The following SHANK2 variants were observed in gnomAD, a reference collection of about 807,000 sequenced individuals.
The protein encoded by SHANK2 is SH3 and multiple ankyrin repeat domains 2.
SHANK2 carries 43 observed loss-of-function variants against 133.7 expected under a neutral mutation model. The ratio of observed to expected loss-of-function variants is 0.32; its 90% CI spans 0.25 to 0.41. The LOEUF (loss-of-function observed/expected upper bound fraction) is 0.41, where lower values mean the gene tolerates loss of function less well. Ranked by LOEUF, SHANK2 falls within the 10% of genes least tolerant of loss-of-function variation. SHANK2 has a pLI of 1.00. For synonymous variants in SHANK2, 1,017 were observed against 952.8 expected (o/e 1.07, Z -1.24); for missense variants, 1,994 against 2,235.8 (o/e 0.89, Z 2.18).
intron 11 of SHANK2, among the ~76,000 whole-genome samples, chr11:70,841,851 G>A (rs1555061801): frequency 6.6e-6 from 1 of 152,162 alleles, no homozygotes; most frequent in Non-Finnish European, 1.5e-5. Flanking sequence ...GACTGTGCGT[G>A]TCTGCTCGTC....
At chr11:70,902,908 C>T (rs1388520221) in intron 10 of SHANK2, among the ~76,000 whole-genome samples, 1 of 152,156 alleles carries the variant, frequency 6.6e-6, no homozygotes, top group Non-Finnish European at 1.5e-5. Context: ...AGGAGGGAGC[C>T]CACATTTTTT....
chr11:71,104,977 T>A (rs886391204), intron 6 of SHANK2, among the ~76,000 whole-genome samples: 1 of 152,222 alleles, frequency 6.6e-6, no homozygotes, highest in African/African-American at 2.4e-5. Flanking sequence ...TACAAAAAAA[T>A]GCCACTGTGT....
At chr11:71,064,116 CT>C (rs1951018618) in intron 9 of SHANK2, among the ~76,000 whole-genome samples, 1 of 152,220 alleles carries the variant, frequency 6.6e-6, no homozygotes. Flanking sequence ...GAGAAAGCCA[CT>C]CATCGATGCA....
At chr11:70,631,403 CACA>C (rs1565195599) in intron 17 of SHANK2, among the ~76,000 whole-genome samples, 10 of 150,820 alleles carry the variant, frequency 6.6e-5, no homozygotes, top group Admixed American at 1.3e-4. Context: ...CACACACACA[CACA>C]CACCCACACA....
intron 2 of SHANK2, among the ~76,000 whole-genome samples, chr11:71,209,007 A>G (rs1368296093): frequency 6.6e-6 from 1 of 152,194 alleles, no homozygotes; most frequent in Non-Finnish European, 1.5e-5. Context: ...TCCTCACCAG[A>G]GAGGACACTC....
intron 11 of SHANK2, among the ~76,000 whole-genome samples, chr11:70,854,313 A>T (rs1439624957): frequency 6.6e-6 from 1 of 152,250 alleles, no homozygotes; most frequent in Non-Finnish European, 1.5e-5. Flanking sequence ...AAATGCTGAG[A>T]TCGAATCTAG....
At chr11:71,123,288 C>T (rs74502146) in intron 3 of SHANK2, among the ~76,000 whole-genome samples, 2,977 of 152,308 alleles carry the variant, frequency 0.02, 41 homozygotes, top group African/African-American at 0.031. Context: ...AAGAAGCAAA[C>T]CAGCCTGAGG....
intron 17 of SHANK2, chr11:70,604,419 T>C (rs1328090562): frequency 2.6e-5 from 4 of 152,280 alleles, no homozygotes; most frequent in African/African-American, 9.7e-5. Context: ...GCCCTCTGAA[T>C]GGTTGGGACA....
intron 10 of SHANK2, among the ~76,000 whole-genome samples, chr11:70,952,033 C>T (rs1590868698): frequency 6.6e-6 from 1 of 152,226 alleles, no homozygotes; most frequent in East Asian, 1.9e-4. Flanking sequence ...TCTAGATAGA[C>T]ATGAATTTAC....
intron 17 of SHANK2, among the ~76,000 whole-genome samples, chr11:70,618,113 TG>T (rs535173912): frequency 5.3e-5 from 8 of 151,936 alleles, no homozygotes; most frequent in Non-Finnish European, 8.8e-5. Context: ...CCTGGCAACA[TG>T]GTGAAACCCC....
rs78129456 is a variant in SHANK2, at chr11:70,808,150, G to A, written c.1494-979C>T. Among the ~76,000 whole-genome samples the A allele has an allele frequency of 7.0e-3, 1,061 of 152,206 alleles. 6 individuals are homozygous for A. The highest frequency in any genetic ancestry group is 0.012 in the Non-Finnish European group (790 of 68,002). On this transcript the variant is annotated intron_variant, in intron 12 of 25. Transcript: ENST00000601538. ...GCCACTGAACTGTGCACTTCAAAAT[G>A]GTTCTAAGGTGATAAATTTGATGTT... is the stretch of plus-strand genomic sequence containing the variant.
chr11:70,551,670 G>A (rs1011577266), intron 17 of SHANK2, among the ~76,000 whole-genome samples: 23 of 152,314 alleles, frequency 1.5e-4, no homozygotes, highest in African/African-American at 4.8e-4. Flanking sequence ...CGCTAGTTAC[G>A]TCTTTGTACT....
At chr11:71,105,590 T>TA (rs60654256) in intron 6 of SHANK2, among the ~76,000 whole-genome samples, 16,063 of 77,780 alleles carry the variant, frequency 0.21, 1,799 homozygotes, top group South Asian at 0.24. Flanking sequence ...AGACTCAGTC[T>TA]AAAAAAAAAA....
In SHANK2 at chr11:70,625,516, G is replaced by A. The variant is rs993721090; in HGVS notation, c.2061+34312C>T. Among the ~76,000 whole-genome samples, 15 of 152,106 alleles carry A rather than the reference G, an allele frequency of 9.9e-5. No homozygotes were observed. In the South Asian group the frequency reaches 1.5e-3, roughly 15 times the overall value. ...ATACATCAGGCAGGATATTCTGGGA[G>A]CCCAGAGACCACCTCCCAGGAGGTG... is the stretch of plus-strand genomic sequence containing the variant. On this transcript the variant is annotated intron_variant, in intron 17 of 25. Coordinates refer to ENST00000601538, the MANE Select transcript of SHANK2 (RefSeq NM_012309.5).
At chr11:70,876,247 C>CACACACACACATATATATAG (rs1949561920) in intron 11 of SHANK2, among the ~76,000 whole-genome samples, 5 of 126,816 alleles carry the variant, frequency 3.9e-5, no homozygotes, top group African/African-American at 1.4e-4. Flanking sequence ...CATATAGACA[C>CACACACACACATATATATAG]ACACACACAC....
chr11:70,728,510 G>A (rs898696398), intron 14 of SHANK2, among the ~76,000 whole-genome samples: 3 of 152,232 alleles, frequency 2.0e-5, no homozygotes, highest in Non-Finnish European at 4.4e-5. Context: ...GGGCTTCAAG[G>A]AGCCCCAGAT....
At chr11:70,523,430 G>T (rs2059355309) in intron 17 of SHANK2, among the ~76,000 whole-genome samples, 1 of 152,222 alleles carries the variant, frequency 6.6e-6, no homozygotes, top group Admixed American at 6.5e-5. Flanking sequence ...GCCCTCATCA[G>T]CTCTATCTGC....
At chr11:70,798,258 G>T (rs1347884645) in intron 14 of SHANK2, among the ~76,000 whole-genome samples, 185 bp downstream of exon 14, 3 of 152,156 alleles carry the variant, frequency 2.0e-5, no homozygotes, top group Admixed American at 1.3e-4. Flanking sequence ...AGGAATTTCT[G>T]GTTTGGATGA....
intron 11 of SHANK2, among the ~76,000 whole-genome samples, chr11:70,860,480 A>T (rs892482471): frequency 1.3e-5 from 2 of 152,226 alleles, no homozygotes; most frequent in Non-Finnish European, 2.9e-5. Flanking sequence ...TTAGACCAAC[A>T]GAGTGTGTAT....
Sources: gnomAD v4.1 joint callset for allele counts (sites outside exome capture counted in the v4.1 genomes callset) on GRCh38, gnomAD v4.1.1 for gene constraint, MANE v1.5 for transcripts, NCBI Gene and HGNC (gene_info 2026-07-23, HGNC 2026-07-21) for gene names.